Variants in GAS7 observed in about 807,000 individuals in gnomAD.
GAS7 encodes growth arrest specific 7, also known as growth arrest-specific protein 7.
GAS7 carries 28 observed loss-of-function variants against 71.1 expected under a neutral mutation model. The observed-to-expected ratio is 0.39, with a 90% CI of 0.29 to 0.54. GAS7 has a LOEUF of 0.54. GAS7 is among the 20% of genes least tolerant of loss of function. GAS7 has a pLI of 0.62. For missense variants in GAS7, 436 were observed against 627.8 expected (o/e 0.69, Z 3.27); for synonymous variants, 258 against 245.8 (o/e 1.05, Z -0.46).
chr17:10,038,402 A>T (rs190283427), intron 1 of GAS7, among the ~76,000 whole-genome samples: 1 of 152,302 alleles, frequency 6.6e-6, no homozygotes, highest in Non-Finnish European at 1.5e-5. Context: ...AGGTACTAGT[A>T]AGGATTGAGA....
At chr17:10,070,526 G>A (rs781513812) in intron 1 of GAS7, among the ~76,000 whole-genome samples, 7 of 151,638 alleles carry the variant, frequency 4.6e-5, no homozygotes, top group Non-Finnish European at 7.4e-5. Context: ...ACCATGCCTC[G>A]CTAATTTTTG....
At chr17:9,994,376 G>A (rs1483284488) in intron 2 of GAS7, among the ~76,000 whole-genome samples, 3 of 143,678 alleles carry the variant, frequency 2.1e-5, no homozygotes, top group Non-Finnish European at 3.1e-5. Context: ...AAATAACGCC[G>A]CATATCTACA....
chr17:10,124,447 C>G (rs542962007), intron 1 of GAS7, among the ~76,000 whole-genome samples: 2 of 152,350 alleles, frequency 1.3e-5, no homozygotes, highest in East Asian at 3.9e-4. Context: ...CCCACACATG[C>G]GCACAAATCC....
chr17:10,036,774 C>A, intron 1 of GAS7: 1 of 1,163,600 alleles, frequency 8.6e-7, no homozygotes, highest in Non-Finnish European at 1.1e-6. Context: ...TTCCCACTCT[C>A]CCTCTTTTTC....
intron 4 of GAS7, among the ~76,000 whole-genome samples, chr17:9,965,736 TG>T (rs2069680086): frequency 6.6e-6 from 1 of 152,136 alleles, no homozygotes; most frequent in Non-Finnish European, 1.5e-5. Flanking sequence ...CCGAATCAGG[TG>T]GGCTGCATTT....
chr17:9,971,332 G>A lies in GAS7; in HGVS notation c.386-1570C>T, dbSNP rs1352768458. Among the ~76,000 whole-genome samples, 6 of 152,268 alleles carry A rather than the reference G, an allele frequency of 3.9e-5. No individual in the cohort carries two copies. The South Asian group carries it at 1.2e-3, about 32-fold the overall frequency. ...ATCCCAGCACTTTGGGAGGCAGAGG[G>A]AGGACTGCTTGAGCCTAGGAGTTTA... On this transcript the variant is annotated intron_variant, in intron 3 of 13. Transcript: ENST00000432992.
chr17:10,184,234 G>A (rs1323377406), intron 1 of GAS7, among the ~76,000 whole-genome samples: 2 of 152,150 alleles, frequency 1.3e-5, no homozygotes, highest in African/African-American at 2.4e-5. Context: ...CCTTTCCAGC[G>A]GCTGAATCCT....
chr17:10,090,676 C>T (rs2073573082), intron 1 of GAS7, among the ~76,000 whole-genome samples: 1 of 152,164 alleles, frequency 6.6e-6, no homozygotes, highest in South Asian at 2.1e-4. Flanking sequence ...TCCCTCAATG[C>T]CAGTGCATTT....
intron 1 of GAS7, among the ~76,000 whole-genome samples, chr17:10,192,931 C>T (rs2074513364): frequency 6.6e-6 from 1 of 152,142 alleles, no homozygotes; most frequent in Non-Finnish European, 1.5e-5. Context: ...GCCCTAATTG[C>T]ACCTTTTGTG....
intron 2 of GAS7, among the ~76,000 whole-genome samples, chr17:10,006,558 T>C (rs571327847): frequency 6.6e-6 from 1 of 152,048 alleles, no homozygotes; most frequent in South Asian, 2.1e-4. Flanking sequence ...CTCGATCTCC[T>C]GACCTCGTGA....
At chr17:10,143,032 A>C (rs76559947) in intron 1 of GAS7, among the ~76,000 whole-genome samples, 1 of 120,638 alleles carries the variant, frequency 8.3e-6, no homozygotes, top group Non-Finnish European at 1.8e-5. Context: ...AAAAAAAAAA[A>C]TTAGCCAGGC....
At chr17:9,965,521 G>A (rs1381265670) in intron 4 of GAS7, among the ~76,000 whole-genome samples, 1 of 152,066 alleles carries the variant, frequency 6.6e-6, no homozygotes, top group African/African-American at 2.4e-5. Flanking sequence ...GGGGCGTGGG[G>A]GATAAGAGGA....
chr17:10,127,236 A>T (rs1203166376), intron 1 of GAS7, among the ~76,000 whole-genome samples: 1 of 152,162 alleles, frequency 6.6e-6, no homozygotes. Context: ...TGGGAAGAAG[A>T]AAGCAGTGCT....
chr17:10,012,454 A>G (rs575605267), intron 2 of GAS7, among the ~76,000 whole-genome samples: 1 of 151,426 alleles, frequency 6.6e-6, no homozygotes, highest in Non-Finnish European at 1.5e-5. Context: ...CACCCGGCTA[A>G]TTTTTGTATT....
In GAS7 at chr17:9,926,856, A is replaced by C. The variant is rs1241735721; in HGVS notation, c.886-87T>G. On this transcript the variant is annotated intron_variant, in intron 9 of 13. Transcript: ENST00000432992. The surrounding 1 kb of genome is among the most constrained non-coding windows in gnomAD (Gnocchi z 5.0). Reference sequence around the variant, plus strand: ...GAGGAGGGATGGGAGGGGCACCCCCACTTCCCCAGGCAAGTGAGGATGAGT... The same window carrying C: ...GAGGAGGGATGGGAGGGGCACCCCCCCTTCCCCAGGCAAGTGAGGATGAGT... The C allele has an allele frequency of 1.2e-5, 17 of 1,400,216 alleles. No homozygotes were observed. Among genetic ancestry groups the C allele is most frequent in the Admixed American group, 1.7e-5 (1 of 59,312 alleles). 86.7% of individuals were successfully genotyped at this position (1,400,216 alleles called of 1,614,324 possible).
chr17:9,952,391 C>T (rs2069056853), intron 5 of GAS7, among the ~76,000 whole-genome samples: 1 of 151,904 alleles, frequency 6.6e-6, no homozygotes, highest in Non-Finnish European at 1.5e-5. Flanking sequence ...TGAACAGACA[C>T]TTTTTCTTTT....
intron 1 of GAS7, among the ~76,000 whole-genome samples, chr17:10,113,908 C>T (rs1428194597): frequency 6.6e-6 from 1 of 152,006 alleles, no homozygotes; most frequent in Non-Finnish European, 1.5e-5. Context: ...ACTGACCAAA[C>T]ATACTTCTGT....
At position 9,918,000 on chromosome 17, in the gene GAS7, C is replaced by T. The variant is rs752514969; in HGVS notation, c.1317+1G>A. 5.0e-6 allele frequency: 8 copies of T among 1,610,064 alleles called. No individual in the cohort carries two copies. The Admixed American group carries it at 5.0e-5, about 10-fold the overall frequency. On this transcript the variant is annotated splice_donor_variant, in intron 13 of 13. Transcript: ENST00000432992. LOFTEE classifies it high-confidence loss of function. ...GGAGCCCCGCTGGGCTGGAAACTCA[C>T]GCTTTGGTTGAACATGTCTGTTTCA...
At chr17:9,938,036 C>T (rs1035925834) in intron 8 of GAS7, among the ~76,000 whole-genome samples, 4 of 152,136 alleles carry the variant, frequency 2.6e-5, no homozygotes, top group African/African-American at 9.7e-5. Flanking sequence ...TATCTAGTTC[C>T]AAAACATTTT....
Sources: allele counts gnomAD v4.1 joint callset (sites outside exome capture counted in the v4.1 genomes callset), GRCh38; gene constraint gnomAD v4.1.1; non-coding constraint Gnocchi (gnomAD v3.1); transcripts MANE v1.5; gene names NCBI Gene and HGNC (gene_info 2026-07-23, HGNC 2026-07-21).